Variants in UBE2E2 observed in about 807,000 individuals in gnomAD.
The protein encoded by UBE2E2 is ubiquitin conjugating enzyme E2 E2.
UBE2E2 carries 6 observed loss-of-function variants against 24.7 expected under a neutral mutation model. The ratio of observed to expected loss-of-function variants is 0.24; its 90% CI spans 0.13 to 0.48. UBE2E2 has a LOEUF of 0.48. UBE2E2 is among the 20% of genes least tolerant of loss of function. The probability of loss-of-function intolerance (pLI) is 0.99; values close to 1 mark genes in which losing one functional copy is unlikely to be tolerated. For missense variants in UBE2E2, 169 were observed against 245.0 expected, an observed-to-expected ratio of 0.69 and a Z score of 2.07; for synonymous variants, 104 against 83.6, an observed-to-expected ratio of 1.24 and a Z score of -1.33.
chr3:23,438,549 T>A (rs1003709360), intron 3 of UBE2E2, among the ~76,000 whole-genome samples: 2 of 152,232 alleles, frequency 1.3e-5, no homozygotes, highest in African/African-American at 4.8e-5. Flanking sequence ...GTACGGTTTT[T>A]GAGCTTTTAT....
chr3:23,475,415 G>T lies in UBE2E2; in HGVS notation c.228-24193G>T, dbSNP rs528090946. ...TCCTTTTGTGTCTCAACTCTGAGATGTATTACTTCTTTCCATGCTCCTGTC... is the reference window on the plus strand; with the variant it reads ...TCCTTTTGTGTCTCAACTCTGAGATTTATTACTTCTTTCCATGCTCCTGTC... On this transcript the variant is annotated intron_variant, in intron 3 of 5. Transcript: ENST00000396703. Among the ~76,000 whole-genome samples the T allele has an allele frequency of 6.6e-5, 10 of 152,134 alleles. 1 individual carries two copies. The East Asian group carries it at 1.7e-3, about 26-fold the overall frequency.
chr3:23,356,975 G>A (rs922861931), intron 3 of UBE2E2, among the ~76,000 whole-genome samples: 3 of 152,162 alleles, frequency 2.0e-5, no homozygotes, highest in South Asian at 2.1e-4. Flanking sequence ...GACTGACTTC[G>A]TCTTGGTAGT....
At chr3:23,532,224 T>G (rs1446650481) in intron 4 of UBE2E2, among the ~76,000 whole-genome samples, 1 of 152,156 alleles carries the variant, frequency 6.6e-6, no homozygotes, top group Non-Finnish European at 1.5e-5. Context: ...GAAGTCAGAG[T>G]CAGTTTCTCC....
At chr3:23,244,836 A>C (rs982803331) in intron 3 of UBE2E2, among the ~76,000 whole-genome samples, 4 of 152,158 alleles carry the variant, frequency 2.6e-5, no homozygotes, top group Admixed American at 2.0e-4. Context: ...TATACAAATG[A>C]ATAGTGTTAG....
chr3:23,357,131 A>G (rs964091159), intron 3 of UBE2E2, among the ~76,000 whole-genome samples: 1 of 152,228 alleles, frequency 6.6e-6, no homozygotes, highest in African/African-American at 2.4e-5. Flanking sequence ...GTCTTACTTC[A>G]CTGCAAGGAG....
At chr3:23,509,692 A>G (rs1279577658) in intron 4 of UBE2E2, among the ~76,000 whole-genome samples, 1 of 150,992 alleles carries the variant, frequency 6.6e-6, no homozygotes, top group African/African-American at 2.4e-5. Flanking sequence ...CTCGTCCTTT[A>G]CATTAGGTAT....
chr3:23,518,194 C>T (rs957280161), intron 4 of UBE2E2, among the ~76,000 whole-genome samples: 20 of 152,034 alleles, frequency 1.3e-4, no homozygotes, highest in Non-Finnish European at 2.2e-4. Flanking sequence ...AAGCAAGATA[C>T]TCTAGAAGGT....
intron 3 of UBE2E2, among the ~76,000 whole-genome samples, chr3:23,351,877 A>G (rs1695765450): frequency 6.6e-6 from 1 of 152,190 alleles, no homozygotes; most frequent in Admixed American, 6.5e-5. Context: ...CTCTGCACCA[A>G]GCGACCTAAT....
chr3:23,576,451 A>G (rs1246566775), intron 5 of UBE2E2, among the ~76,000 whole-genome samples: 1 of 152,190 alleles, frequency 6.6e-6, no homozygotes, highest in Non-Finnish European at 1.5e-5. Flanking sequence ...TTATGTTTAC[A>G]TAATTAGAGG....
Position 23,342,122 on chromosome 3 carries a change from CTATT to C in UBE2E2, c.227+124816_227+124819del, listed in dbSNP as rs753743479. ...GGGAGGAAAGCTATTGACAGAAACA[CTATT>C]TATTTCTGTCTAGCTAAAAAGAGGA... On this transcript the variant is annotated intron_variant, in intron 3 of 5. Transcript: ENST00000396703. Among the ~76,000 whole-genome samples, 15 of 151,628 alleles carry C rather than the reference CTATT, an allele frequency of 9.9e-5. No individual in the cohort carries two copies. In the East Asian group the frequency reaches 1.2e-3, roughly 12 times the overall value.
chr3:23,577,799 A>T (rs1318901986), intron 5 of UBE2E2, among the ~76,000 whole-genome samples: 1 of 152,072 alleles, frequency 6.6e-6, no homozygotes, highest in Admixed American at 6.6e-5. Flanking sequence ...GGACAGGCTG[A>T]CTCTCTTAGT....
At chr3:23,237,043 C>G (rs1051461632) in intron 3 of UBE2E2, among the ~76,000 whole-genome samples, 1 of 152,152 alleles carries the variant, frequency 6.6e-6, no homozygotes, top group Non-Finnish European at 1.5e-5. Flanking sequence ...TTTGGAGAGA[C>G]TGGCTAGACT....
chr3:23,210,090 C>G (rs1696278397), intron 2 of UBE2E2, among the ~76,000 whole-genome samples: 1 of 151,916 alleles, frequency 6.6e-6, no homozygotes, highest in Non-Finnish European at 1.5e-5. Context: ...TAGAGGTGAC[C>G]TGGAAAATGG....
At chr3:23,268,401 A>G (rs991088097) in intron 3 of UBE2E2, among the ~76,000 whole-genome samples, 1 of 152,124 alleles carries the variant, frequency 6.6e-6, no homozygotes, top group African/African-American at 2.4e-5. Flanking sequence ...AAGCATTCTT[A>G]TACACCAGTA....
At chr3:23,430,659 C>T (rs970735490) in intron 3 of UBE2E2, among the ~76,000 whole-genome samples, 3 of 152,086 alleles carry the variant, frequency 2.0e-5, no homozygotes, top group African/African-American at 7.2e-5. Flanking sequence ...GCTAGGACTA[C>T]AGGCATGTGC....
intron 5 of UBE2E2, among the ~76,000 whole-genome samples, chr3:23,584,714 C>T (rs1036268758): frequency 6.7e-6 from 1 of 149,454 alleles, no homozygotes; most frequent in African/African-American, 2.5e-5. Flanking sequence ...CCACCACACC[C>T]AGCTGTTTTT....
chr3:23,368,604 A>G (rs1328628829), intron 3 of UBE2E2, among the ~76,000 whole-genome samples: 1 of 152,162 alleles, frequency 6.6e-6, no homozygotes. Context: ...TTGTAGGAAT[A>G]CTTTTCTATG....
intron 3 of UBE2E2, among the ~76,000 whole-genome samples, chr3:23,472,095 T>C (rs931564323): frequency 6.6e-5 from 10 of 151,890 alleles, no homozygotes; most frequent in African/African-American, 1.9e-4. Context: ...CTAAAAGAAG[T>C]TTTTTACATG....
At chr3:23,342,411 T>C (rs1695418209) in intron 3 of UBE2E2, among the ~76,000 whole-genome samples, 1 of 152,190 alleles carries the variant, frequency 6.6e-6, no homozygotes, top group Non-Finnish European at 1.5e-5. Flanking sequence ...GATTGCATAG[T>C]TTATTTAGCA....
Sources: gnomAD v4.1 joint callset for allele counts (sites outside exome capture counted in the v4.1 genomes callset) on GRCh38, gnomAD v4.1.1 for gene constraint, MANE v1.5 for transcripts, NCBI Gene and HGNC (gene_info 2026-07-23, HGNC 2026-07-21) for gene names.